The following CASP9 variants were observed in gnomAD, a reference collection of about 807,000 sequenced individuals.
The protein encoded by CASP9 is caspase 9.
CASP9 carries 29 observed loss-of-function variants against 43.5 expected under a neutral mutation model. That is an observed-to-expected ratio of 0.67 (90% CI 0.50 to 0.91). CASP9 has a LOEUF of 0.91. Among genes scored for constraint, CASP9 ranks in the 40% least tolerant of loss-of-function variants. CASP9 has a pLI of 0.00. For synonymous variants in CASP9, 206 were observed against 211.9 expected (o/e 0.97, Z 0.24); for missense variants, 575 against 537.4 (o/e 1.07, Z -0.69).
At chr1:15,513,316 C>A (rs1211233099) in intron 2 of CASP9, among the ~76,000 whole-genome samples, 1 of 152,092 alleles carries the variant, frequency 6.6e-6, no homozygotes, top group Non-Finnish European at 1.5e-5. Flanking sequence ...TACACATACA[C>A]ACACCCCCTA....
upstream of CASP9, chr1:15,524,736 C>G (rs1710382931): frequency 9.8e-7 from 1 of 1,023,386 alleles, no homozygotes; most frequent in Non-Finnish European, 1.2e-6. Flanking sequence ...TCTGGGGTCA[C>G]CGCCTGTCCC....
Position 15,524,114 on chromosome 1 carries a change from C to T in CASP9, c.87G>A (p.Leu29=), listed in dbSNP as rs746910208. The T allele has an allele frequency of 2.6e-6, 4 of 1,539,818 alleles. No individual in the cohort carries two copies. Among genetic ancestry groups the T allele is most frequent in the Non-Finnish European group, 3.5e-6 (4 of 1,147,564 alleles). Residue 29 remains leucine (L), a synonymous_variant, in exon 1 of 9, where the codon CTG becomes CTA. Transcript: ENST00000333868. Reference sequence around the variant, plus strand: ...GGGGCCTGAACAGCTCGCGGCTCAGCAGGGCGTCCCAGAGCTGGTCCACCT... The same window carrying T: ...GGGGCCTGAACAGCTCGCGGCTCAGTAGGGCGTCCCAGAGCTGGTCCACCT... ...ELQVDQLWDA[L]LSRELFRPHM...
At chr1:15,497,686 T>C (rs1208168076) in intron 6 of CASP9, among the ~76,000 whole-genome samples, 1 of 151,882 alleles carries the variant, frequency 6.6e-6, no homozygotes, top group African/African-American at 2.4e-5. Flanking sequence ...ATATATCCTA[T>C]GTTCATGGAT....
rs989962643 is a variant in CASP9 at position 15,492,510 on chromosome 1, T to G, written c.*433A>C. 7.5e-5 allele frequency: 12 copies of G among 160,916 alleles called. No individual in the cohort carries two copies. The highest frequency in any genetic ancestry group is 2.6e-4 in the African/African-American group (11 of 41,710). 10.0% of individuals were successfully genotyped at this position (160,916 alleles called of 1,614,324 possible). ...CATATTTGGCAACACCTGAGAACCT[T>G]TTTGTTTGGCACCACTCAGGAAGAC... On this transcript the variant is annotated 3_prime_UTR_variant, in exon 9 of 9. Transcript: ENST00000333868.
chr1:15,493,830 CAGG>C, intron 8 of CASP9, 59 bp downstream of exon 8: 1 of 1,548,004 alleles, frequency 6.5e-7, no homozygotes, highest in Non-Finnish European at 8.7e-7. Flanking sequence ...TCCCCAGCCC[CAGG>C]AGGACACGCT....
upstream of CASP9, chr1:15,524,404 C>G (rs1450854112): frequency 7.5e-7 from 1 of 1,340,518 alleles, no homozygotes; most frequent in African/African-American, 1.7e-5. Context: ...CCGCCCCGCC[C>G]TCAGGACGCA....
chr1:15,523,521 A>G (rs1214007477), intron 1 of CASP9, among the ~76,000 whole-genome samples: 1 of 152,246 alleles, frequency 6.6e-6, no homozygotes, highest in Non-Finnish European at 1.5e-5. Context: ...TCCTGAGCAG[A>G]CAAAACCAAT....
intron 6 of CASP9, among the ~76,000 whole-genome samples, chr1:15,500,717 C>T (rs1462075075): frequency 3.3e-5 from 5 of 152,092 alleles, no homozygotes; most frequent in Admixed American, 6.6e-5. Context: ...CTGGGAATGA[C>T]GTGAAACAGC....
intron 6 of CASP9, among the ~76,000 whole-genome samples, chr1:15,497,145 AT>A (rs1195323931): frequency 2.0e-5 from 3 of 151,728 alleles, no homozygotes; most frequent in Non-Finnish European, 1.5e-5. Context: ...CCCCGTCTCT[AT>A]TAAAAAATAC....
upstream of CASP9, chr1:15,524,585 C>A: frequency 2.0e-6 from 2 of 992,632 alleles, no homozygotes; most frequent in Non-Finnish European, 2.5e-6. Context: ...GCACTGACCT[C>A]ACGTCACCGC....
intron 1 of CASP9, among the ~76,000 whole-genome samples, chr1:15,522,920 A>G (rs375808443): frequency 3.9e-5 from 6 of 152,358 alleles, no homozygotes; most frequent in African/African-American, 1.4e-4. Flanking sequence ...GCCACACAGA[A>G]GGCACAAAAC....
Position 15,523,171 on chromosome 1 carries a change from G to C in CASP9, c.132+898C>G, listed in dbSNP as rs543472327. 1.6e-3 allele frequency among the ~76,000 whole-genome samples: 247 copies of C among 152,288 alleles called. 1 individual carries two copies. The highest frequency in any genetic ancestry group is 5.8e-3 in the African/African-American group (240 of 41,546). The stretch of plus-strand genomic sequence containing the variant: ...CTTCATTATTCTCCATTCTGCATCA[G>C]GTCCCCTCATTTCCAAAACCTCTTA... On this transcript the variant is annotated intron_variant, in intron 1 of 8. Transcript: ENST00000333868.
chr1:15,493,173 G>A (rs1401794949), intron 8 of CASP9, 138 bp from the exon 9 acceptor site: 2 of 1,478,782 alleles, frequency 1.4e-6, no homozygotes, highest in Non-Finnish European at 8.9e-7. Flanking sequence ...GAGCAGGAGG[G>A]CTTAAAGAAT....
intron 6 of CASP9, among the ~76,000 whole-genome samples, chr1:15,504,265 G>A (rs1294981539): frequency 6.6e-6 from 1 of 152,212 alleles, no homozygotes; most frequent in Non-Finnish European, 1.5e-5. Flanking sequence ...TGGAAACGGG[G>A]TCTAGTTGAT....
chr1:15,518,381 T>C lies in CASP9; in HGVS notation c.147A>G (p.Gly49=). ...MIEDIQRAGS[G]SRRDQARQLI... is the part of the protein sequence containing the mutation. ...GCTGCCTGGCCTGATCCCGCCGAGA[T>C]CCAGAGCCTGCCCGCTGTTTGGAAA... The change falls in exon 2 of 9, where the codon GGA becomes GGG. Residue 49 remains glycine (G), a synonymous_variant. Coordinates refer to ENST00000333868, the MANE Select transcript of CASP9 (RefSeq NM_001229.5). 1 of 1,610,926 alleles carries C rather than the reference T, an allele frequency of 6.2e-7. No individual in the cohort carries two copies. The highest frequency in any genetic ancestry group is 8.5e-7 in the Non-Finnish European group (1 of 1,177,698).
chr1:15,517,817 C>T (rs1710009967), intron 2 of CASP9, among the ~76,000 whole-genome samples: 1 of 151,838 alleles, frequency 6.6e-6, no homozygotes, highest in Admixed American at 6.6e-5. Context: ...ATAGATGGCT[C>T]TGGAAACATT....
chr1:15,493,711 C>A (rs1474704841), intron 8 of CASP9, 181 bp downstream of exon 8: 5 of 1,486,824 alleles, frequency 3.4e-6, no homozygotes, highest in Non-Finnish European at 3.6e-6. Flanking sequence ...AACGTCACCA[C>A]AGGCAGGATG....
At position 15,491,411 on chromosome 1, in the gene CASP9, G is replaced by A. The variant is rs1708892267; in HGVS notation, c.*1532C>T. ...ACTATGCAAATCACATCTTGATGAG[G>A]GTTTTATTATTATTATTAATTCAGA... On this transcript the variant is annotated 3_prime_UTR_variant, in exon 9 of 9. Transcript: ENST00000333868. 1.4e-6 allele frequency: 2 copies of A among 1,460,020 alleles called. No homozygotes were observed. Among genetic ancestry groups the A allele is most frequent in the South Asian group, 2.3e-5 (2 of 86,304 alleles). 90.4% of individuals were successfully genotyped at this position (1,460,020 alleles called of 1,614,324 possible).
intron 1 of CASP9, among the ~76,000 whole-genome samples, chr1:15,523,855 T>C (rs1246261151): frequency 3.3e-5 from 5 of 151,992 alleles, no homozygotes; most frequent in Admixed American, 6.5e-5. Flanking sequence ...CTCACATTTT[T>C]CCTTTACACA....
Sources: allele counts gnomAD v4.1 joint callset (sites outside exome capture counted in the v4.1 genomes callset), GRCh38; gene constraint gnomAD v4.1.1; transcripts MANE v1.5; gene names NCBI Gene and HGNC (gene_info 2026-07-23, HGNC 2026-07-21).